HS3ST4: variants seen among roughly 807,000 people sequenced by gnomAD.
HS3ST4 encodes the protein heparan sulfate glucosamine 3-O-sulfotransferase 4.
Under a neutral mutation model 29.2 loss-of-function variants are expected in HS3ST4, and 17 were observed. That is an observed-to-expected ratio of 0.58 (90% CI 0.40 to 0.87). The LOEUF (loss-of-function observed/expected upper bound fraction) is 0.87. Ranked by LOEUF, HS3ST4 falls within the 40% of genes least tolerant of loss-of-function variation. The pLI, the probability that HS3ST4 is intolerant of heterozygous loss-of-function variation, is 0.00. For missense variants in HS3ST4, 627 were observed against 634.5 expected, an observed-to-expected ratio of 0.99 and a Z score of 0.13; for synonymous variants, 314 against 285.7, an observed-to-expected ratio of 1.10 and a Z score of -1.00.
At chr16:25,983,685 TACA>T (rs1969032448) in intron 1 of HS3ST4, among the ~76,000 whole-genome samples, 2 of 152,202 alleles carry the variant, frequency 1.3e-5, no homozygotes, top group African/African-American at 4.8e-5. Flanking sequence ...TTCTAAGCCA[TACA>T]TAGTCTTGGC....
chr16:25,976,210 A>G (rs1567285360), intron 1 of HS3ST4, among the ~76,000 whole-genome samples: 1 of 152,196 alleles, frequency 6.6e-6, no homozygotes, highest in Non-Finnish European at 1.5e-5. Flanking sequence ...AATTTCTTTT[A>G]TTACAAGTGT....
chr16:25,922,798 T>C (rs1334495578), intron 1 of HS3ST4, among the ~76,000 whole-genome samples: 3 of 152,216 alleles, frequency 2.0e-5, no homozygotes, highest in Non-Finnish European at 2.9e-5. Flanking sequence ...TCTCTGAGCA[T>C]GTGTCCTAGA....
At chr16:25,722,000 C>G (rs565573869) in intron 1 of HS3ST4, among the ~76,000 whole-genome samples, 1 of 152,226 alleles carries the variant, frequency 6.6e-6, no homozygotes, top group South Asian at 2.1e-4. Flanking sequence ...CTGGATTTCT[C>G]TAGTGCACCC....
At chr16:25,736,157 G>A (rs960740391) in intron 1 of HS3ST4, among the ~76,000 whole-genome samples, 1 of 152,306 alleles carries the variant, frequency 6.6e-6, no homozygotes. Flanking sequence ...CGTTGTCTGA[G>A]CAGAGGTCAA....
intron 1 of HS3ST4, among the ~76,000 whole-genome samples, chr16:25,847,834 GT>G (rs1232956521): frequency 4.6e-5 from 7 of 152,060 alleles, no homozygotes; most frequent in African/African-American, 1.7e-4. Context: ...ATCCTATTTG[GT>G]TCTGTCGTTT....
intron 1 of HS3ST4, among the ~76,000 whole-genome samples, chr16:25,920,661 G>A (rs1317174564): frequency 1.3e-5 from 2 of 149,082 alleles, no homozygotes; most frequent in Non-Finnish European, 3.0e-5. Context: ...GGAGTACAGT[G>A]GTGCGGTCAT....
chr16:25,882,709 C>T (rs1445951317), intron 1 of HS3ST4, among the ~76,000 whole-genome samples: 7 of 152,114 alleles, frequency 4.6e-5, no homozygotes, highest in Non-Finnish European at 8.8e-5. Flanking sequence ...GGGGCTTTTC[C>T]GCATGGGCAA....
chr16:25,884,014 G>C (rs967594503), intron 1 of HS3ST4, among the ~76,000 whole-genome samples: 4 of 152,118 alleles, frequency 2.6e-5, no homozygotes, highest in African/African-American at 9.7e-5. Context: ...CTGGGAGGCT[G>C]AGGCGGGAGA....
At chr16:25,855,273 G>A (rs1258772207) in intron 1 of HS3ST4, among the ~76,000 whole-genome samples, 2 of 152,064 alleles carry the variant, frequency 1.3e-5, no homozygotes, top group Non-Finnish European at 1.5e-5. Flanking sequence ...TGTAGATGAA[G>A]CCCCCACATA....
intron 1 of HS3ST4, among the ~76,000 whole-genome samples, chr16:26,042,972 G>C (rs1969648584): frequency 6.6e-6 from 1 of 152,030 alleles, no homozygotes; most frequent in South Asian, 2.1e-4. Flanking sequence ...ATTATTCACA[G>C]CTTTCTAACA....
chr16:25,812,584 A>G (rs560249681), intron 1 of HS3ST4, among the ~76,000 whole-genome samples: 15 of 152,340 alleles, frequency 9.8e-5, no homozygotes, highest in African/African-American at 3.4e-4. Context: ...ATATATTAGT[A>G]AGAACAATGA....
At chr16:26,100,100 A>C (rs1898973615) in intron 1 of HS3ST4, among the ~76,000 whole-genome samples, 1 of 152,122 alleles carries the variant, frequency 6.6e-6, no homozygotes, top group African/African-American at 2.4e-5. Flanking sequence ...TGTGATGGAC[A>C]TACAGACGGG....
chr16:25,928,476 T>A (rs1406208424), intron 1 of HS3ST4, among the ~76,000 whole-genome samples: 1 of 152,188 alleles, frequency 6.6e-6, no homozygotes, highest in Admixed American at 6.5e-5. Context: ...TAATTATAAA[T>A]GCAGATGCAG....
In HS3ST4 at chr16:25,940,457, G is replaced by A. The variant is rs575468138; in HGVS notation, c.735-195155G>A. On this transcript the variant is annotated intron_variant, in intron 1 of 1. Transcript: ENST00000331351. ...AAAATGCCCAAGATGTCAAGGCAAA[G>A]CATAACTGAACATGGTTCAGAAGGG... Among the ~76,000 whole-genome samples, 204 of 152,284 alleles carry A rather than the reference G, an allele frequency of 1.3e-3. 1 individual carries two copies. Among genetic ancestry groups the A allele is most frequent in the Non-Finnish European group, 2.5e-3 (167 of 68,022 alleles).
chr16:25,868,417 G>A lies in HS3ST4; in HGVS notation c.734+175266G>A, dbSNP rs565499341. Among the ~76,000 whole-genome samples, 52 of 152,066 alleles carry A rather than the reference G, an allele frequency of 3.4e-4. No homozygotes were observed. In the South Asian group the frequency reaches 9.3e-3, roughly 27 times the overall value. On this transcript the variant is annotated intron_variant, in intron 1 of 1. Coordinates refer to ENST00000331351, the MANE Select transcript of HS3ST4 (RefSeq NM_006040.3). ...CCCCCTTCCCTCTGTAGGAGTCCCC[G>A]GTCCTGACAACAGATGTCCCTTCCA...
At chr16:26,090,123 T>C (rs1898838076) in intron 1 of HS3ST4, among the ~76,000 whole-genome samples, 1 of 152,216 alleles carries the variant, frequency 6.6e-6, no homozygotes, top group African/African-American at 2.4e-5. Flanking sequence ...TTCTGTCCCC[T>C]AATTTTCACA....
At chr16:25,973,510 C>T (rs891987071) in intron 1 of HS3ST4, among the ~76,000 whole-genome samples, 3 of 152,178 alleles carry the variant, frequency 2.0e-5, no homozygotes, top group Non-Finnish European at 4.4e-5. Flanking sequence ...ATGAAGAGTT[C>T]ACTATTCTTT....
At chr16:25,892,601 A>G (rs560942947) in intron 1 of HS3ST4, among the ~76,000 whole-genome samples, 1 of 152,260 alleles carries the variant, frequency 6.6e-6, no homozygotes, top group South Asian at 2.1e-4. Flanking sequence ...ATTGCAGGTG[A>G]CAGAAACCTA....
At chr16:25,925,633 A>G (rs1267063334) in intron 1 of HS3ST4, among the ~76,000 whole-genome samples, 1 of 152,232 alleles carries the variant, frequency 6.6e-6, no homozygotes, top group Non-Finnish European at 1.5e-5. Flanking sequence ...GGGAAACATC[A>G]GAGAAATTAA....
Sources: gnomAD v4.1 joint callset for allele counts (sites outside exome capture counted in the v4.1 genomes callset) on GRCh38, gnomAD v4.1.1 for gene constraint, MANE v1.5 for transcripts, NCBI Gene and HGNC (gene_info 2026-07-23, HGNC 2026-07-21) for gene names.